DAAM2: variants seen among roughly 807,000 people sequenced by gnomAD.
DAAM2 encodes dishevelled associated activator of morphogenesis 2.
Under a neutral mutation model 120.7 loss-of-function variants are expected in DAAM2, and 39 were observed. The ratio of observed to expected loss-of-function variants is 0.32; its 90% CI spans 0.25 to 0.42. The LOEUF is 0.42. Among genes scored for constraint, DAAM2 ranks in the 10% least tolerant of loss-of-function variants. DAAM2 has a pLI of 1.00. For missense variants in DAAM2, 1,283 were observed against 1,401.7 expected, an observed-to-expected ratio of 0.92 and a Z score of 1.35; for synonymous variants, 488 against 524.9, an observed-to-expected ratio of 0.93 and a Z score of 0.96.
At chr6:39,823,648 G>A (rs971170479) in intron 1 of DAAM2, among the ~76,000 whole-genome samples, 3 of 152,162 alleles carry the variant, frequency 2.0e-5, no homozygotes, top group African/African-American at 4.8e-5. Context: ...GACCTTTCCT[G>A]AGGCCCAGCT....
rs577639802 is a variant in DAAM2 at position 39,854,126 on chromosome 6, CT to C, written c.-56-2120del. Among the ~76,000 whole-genome samples the C allele has an allele frequency of 1.2e-3, 180 of 152,336 alleles. 1 individual carries two copies. Among genetic ancestry groups the C allele is most frequent in the African/African-American group, 4.2e-3 (176 of 41,566 alleles). On this transcript the variant is annotated intron_variant, in intron 1 of 24. Transcript: ENST00000274867. Reference sequence around the variant, plus strand: ...CTGGATTGCTGTGCTAGCCTGCTGGCTGCTTCTCCTACCCTCAGCCTCTAGG... The same window carrying C: ...CTGGATTGCTGTGCTAGCCTGCTGGCGCTTCTCCTACCCTCAGCCTCTAGG...
chr6:39,893,727 T>C (rs886121740), intron 19 of DAAM2, among the ~76,000 whole-genome samples: 1 of 152,174 alleles, frequency 6.6e-6, no homozygotes. Context: ...CTCTAAGAGC[T>C]AGATAGGAAA....
intron 1 of DAAM2, among the ~76,000 whole-genome samples, chr6:39,804,670 G>T (rs1761960700): frequency 6.6e-6 from 1 of 152,158 alleles, no homozygotes; most frequent in South Asian, 2.1e-4. Flanking sequence ...TTGAATTCCA[G>T]CCTTCCTCTA....
intron 1 of DAAM2, among the ~76,000 whole-genome samples, chr6:39,798,624 G>C (rs1761769355): frequency 1.3e-5 from 2 of 152,186 alleles, no homozygotes; most frequent in South Asian, 4.1e-4. Flanking sequence ...GTGTCGGCCA[G>C]CAATCCCCAT....
intron 5 of DAAM2, 81 bp from the exon 6 acceptor site, chr6:39,867,429 C>A (rs1441025959): frequency 2.2e-5 from 31 of 1,381,400 alleles, no homozygotes; most frequent in Non-Finnish European, 3.0e-5. Context: ...CATGGTGGTA[C>A]ACAGGTAAGG....
At chr6:39,802,895 G>A (rs1761908606) in intron 1 of DAAM2, among the ~76,000 whole-genome samples, 1 of 152,042 alleles carries the variant, frequency 6.6e-6, no homozygotes, top group Non-Finnish European at 1.5e-5. Flanking sequence ...ACCCTTCCAT[G>A]ATCCTGACTT....
At position 39,803,764 on chromosome 6, in the gene DAAM2, G is replaced by T. The variant is rs115223823; in HGVS notation, c.-57+11299G>T. ...CCCCTAGAACCTGTGCAGGCTGTGG[G>T]GTGGGGGCTGTGAGGAGAAGTCCTG... On this transcript the variant is annotated intron_variant, in intron 1 of 24. Transcript: ENST00000274867. 8.9e-3 allele frequency among the ~76,000 whole-genome samples: 1,351 copies of T among 152,266 alleles called. 19 individuals are homozygous for T. The highest frequency in any genetic ancestry group is 0.031 in the African/African-American group (1,288 of 41,548).
At chr6:39,818,593 A>T (rs1762386205) in intron 1 of DAAM2, among the ~76,000 whole-genome samples, 1 of 152,198 alleles carries the variant, frequency 6.6e-6, no homozygotes, top group South Asian at 2.1e-4. Flanking sequence ...CTCCAGGGTG[A>T]CTAAATTTGA....
intron 22 of DAAM2, among the ~76,000 whole-genome samples, chr6:39,899,179 G>C (rs551986899): frequency 6.6e-6 from 1 of 152,322 alleles, no homozygotes; most frequent in Admixed American, 6.5e-5. Flanking sequence ...GGAGTGGAAT[G>C]AACCATACAT....
Position 39,869,048 on chromosome 6 carries a change from C to T in DAAM2, c.873+115C>T, listed in dbSNP as rs979434522. On this transcript the variant is annotated intron_variant, in intron 7 of 24. Transcript: ENST00000274867. The stretch of plus-strand genomic sequence containing the variant: ...TTTGCTATTAAACCTGGGAGGGCTC[C>T]TGGGGAGTTGCCTACATAGGTAGCA... The T allele has an allele frequency of 2.2e-5, 17 of 781,972 alleles. No homozygotes were observed. In the African/African-American group the frequency reaches 2.9e-4, roughly 13 times the overall value. The allele number at this position is 781,972 out of a possible 1,614,324, so 48.4% of individuals were successfully genotyped here.
At position 39,878,075 on chromosome 6, in the gene DAAM2, C is replaced by A; in HGVS notation, c.1302-128C>A. The A allele has an allele frequency of 1.1e-6, 1 of 894,610 alleles. No individual in the cohort carries two copies. Among genetic ancestry groups the A allele is most frequent in the South Asian group, 1.7e-5 (1 of 59,346 alleles). The allele number at this position is 894,610 out of a possible 1,614,324, so 55.4% of individuals were successfully genotyped here. A position where few individuals can be genotyped will look rare whatever the true frequency, so the allele number is the denominator to read the frequency against. On this transcript the variant is annotated intron_variant, in intron 11 of 24. Coordinates refer to ENST00000274867, the MANE Select transcript of DAAM2 (RefSeq NM_001201427.2). The surrounding 1 kb of genome is among the most constrained non-coding windows in gnomAD (Gnocchi z 5.0). ...ACACCTGGGAAGTCTAAATCCTAGCCCCCTTGATGTGGCTGGACAGATTGG... is the reference window on the plus strand; with the variant it reads ...ACACCTGGGAAGTCTAAATCCTAGCACCCTTGATGTGGCTGGACAGATTGG...
At chr6:39,881,457 G>A (rs1024767296) in intron 14 of DAAM2, among the ~76,000 whole-genome samples, 5 of 152,226 alleles carry the variant, frequency 3.3e-5, no homozygotes, top group East Asian at 1.9e-4. Context: ...GGTGGCTCAC[G>A]CCTGTAATCC....
chr6:39,845,829 A>C (rs1763568350), intron 1 of DAAM2, among the ~76,000 whole-genome samples: 1 of 151,576 alleles, frequency 6.6e-6, no homozygotes, highest in African/African-American at 2.4e-5. Context: ...GCCTCTAATA[A>C]ATTTCTGGAG....
At chr6:39,887,639 G>A (rs370569328) in intron 16 of DAAM2, 47 bp downstream of exon 16, 89 of 1,374,846 alleles carry the variant, frequency 6.5e-5, no homozygotes, top group Non-Finnish European at 8.2e-5. Flanking sequence ...GGGGACAAAG[G>A]GGGTGGAGGA....
In DAAM2 at chr6:39,842,549, C is replaced by G. The variant is rs193101740; in HGVS notation, c.-56-13698C>G. On this transcript the variant is annotated intron_variant, in intron 1 of 24. Coordinates refer to ENST00000274867, the MANE Select transcript of DAAM2 (RefSeq NM_001201427.2). The stretch of plus-strand genomic sequence containing the variant: ...TTGGGAGGCTGAGGCAGGAGAATCG[C>G]TTGAACCCGGGAGGCGGAGGTTGCA... Among the ~76,000 whole-genome samples, 1,309 of 152,266 alleles carry G rather than the reference C, an allele frequency of 8.6e-3. 13 individuals carry two copies. Among genetic ancestry groups the G allele is most frequent in the African/African-American group, 0.029 (1,197 of 41,552 alleles).
chr6:39,799,027 G>A (rs1255522342), intron 1 of DAAM2, among the ~76,000 whole-genome samples: 2 of 152,218 alleles, frequency 1.3e-5, no homozygotes, highest in Non-Finnish European at 2.9e-5. Flanking sequence ...TCATGTCTGA[G>A]TTTGAGGAAT....
chr6:39,887,128 G>T (rs534052261), intron 15 of DAAM2: 3 of 186,804 alleles, frequency 1.6e-5, no homozygotes, highest in East Asian at 1.5e-4. Context: ...GTCATGGGAG[G>T]TTATGTCACA....
intron 1 of DAAM2, among the ~76,000 whole-genome samples, chr6:39,846,071 C>A (rs562069930): frequency 6.6e-6 from 1 of 151,974 alleles, no homozygotes; most frequent in Non-Finnish European, 1.5e-5. Flanking sequence ...GCATCCAAGG[C>A]GTTTTAGAAA....
chr6:39,829,844 G>A (rs1168966164), intron 1 of DAAM2, among the ~76,000 whole-genome samples: 1 of 152,096 alleles, frequency 6.6e-6, no homozygotes, highest in Non-Finnish European at 1.5e-5. Flanking sequence ...GTTCTGAGCC[G>A]GCCCCTTGGT....
Sources: gnomAD v4.1 joint callset for allele counts (sites outside exome capture counted in the v4.1 genomes callset) on GRCh38, gnomAD v4.1.1 for gene constraint, Gnocchi (gnomAD v3.1) non-coding constraint, MANE v1.5 for transcripts, NCBI Gene and HGNC (gene_info 2026-07-23, HGNC 2026-07-21) for gene names.